The following TANC2 variants were observed in gnomAD, a reference collection of about 807,000 sequenced individuals.
TANC2 encodes protein TANC2.
Under a neutral mutation model 210.5 loss-of-function variants are expected in TANC2, and 26 were observed. The ratio of observed to expected loss-of-function variants is 0.12; its 90% CI spans 0.09 to 0.17. The LOEUF is 0.17. Among genes scored for constraint, TANC2 ranks in the 10% least tolerant of loss-of-function variants. TANC2 has a pLI of 1.00. For missense variants in TANC2, 2,129 were observed against 2,608.9 expected (o/e 0.82, Z 4.01); for synonymous variants, 931 against 967.1 (o/e 0.96, Z 0.69).
At chr17:63,303,721 T>C (rs2044799879) in intron 9 of TANC2, among the ~76,000 whole-genome samples, 1 of 152,106 alleles carries the variant, frequency 6.6e-6, no homozygotes, top group African/African-American at 2.4e-5. Context: ...CCTCCTTTCT[T>C]TCAGGTACTC....
At chr17:63,405,915 TCTTTTTTAC>T (rs896036456) in intron 20 of TANC2, among the ~76,000 whole-genome samples, 4 of 152,230 alleles carry the variant, frequency 2.6e-5, no homozygotes, top group African/African-American at 9.7e-5. Context: ...TTTGTTAAGT[TCTTTTTTAC>T]TTAGTAGCTG....
At chr17:63,343,228 T>C (rs2046296954) in intron 12 of TANC2, among the ~76,000 whole-genome samples, 1 of 152,244 alleles carries the variant, frequency 6.6e-6, no homozygotes, top group Non-Finnish European at 1.5e-5. Context: ...TTTTTAAATA[T>C]AAAGACACAG....
chr17:63,338,007 T>C (rs1208205277), intron 11 of TANC2, among the ~76,000 whole-genome samples: 1 of 152,264 alleles, frequency 6.6e-6, no homozygotes, highest in Non-Finnish European at 1.5e-5. Flanking sequence ...ATTGTTTTTA[T>C]GCAGTCTGCC....
intron 8 of TANC2, among the ~76,000 whole-genome samples, chr17:63,239,125 G>A (rs955466767): frequency 1.7e-4 from 26 of 150,118 alleles, no homozygotes; most frequent in Non-Finnish European, 3.5e-4. Flanking sequence ...ACCAGCCTGC[G>A]CAACATAGTG....
intron 7 of TANC2, among the ~76,000 whole-genome samples, chr17:63,206,136 A>G (rs2041703710): frequency 6.6e-6 from 1 of 152,204 alleles, no homozygotes; most frequent in Non-Finnish European, 1.5e-5. Context: ...ACGCAAACCA[A>G]AACCACAATA....
At chr17:63,337,100 A>G (rs2146763213) in intron 11 of TANC2, among the ~76,000 whole-genome samples, 1 of 152,358 alleles carries the variant, frequency 6.6e-6, no homozygotes, top group South Asian at 2.1e-4. Flanking sequence ...TTGTATGTGC[A>G]TATACCTACT....
intron 7 of TANC2, among the ~76,000 whole-genome samples, chr17:63,233,872 G>A (rs986500485): frequency 4.0e-4 from 61 of 152,232 alleles, no homozygotes; most frequent in African/African-American, 1.3e-3. Context: ...CAACTTGGTC[G>A]ACAAGAGTAT....
chr17:63,154,837 C>T (rs9972958), intron 5 of TANC2: 1 of 152,062 alleles, frequency 6.6e-6, no homozygotes, highest in African/African-American at 2.4e-5. Flanking sequence ...GAACATGTCA[C>T]TTAACTTTTC....
At chr17:63,186,730 G>A (rs1027011370) in intron 5 of TANC2, among the ~76,000 whole-genome samples, 1 of 152,196 alleles carries the variant, frequency 6.6e-6, no homozygotes, top group South Asian at 2.1e-4. Context: ...AGTCTTTATG[G>A]TGACATATTC....
In TANC2 at chr17:63,420,954, T is replaced by A; in HGVS notation, c.5224T>A (p.Leu1742Met). Residue 1742 changes from leucine to methionine, a missense_variant, in exon 28 of 28, where the codon TTG (leucine) becomes ATG (methionine). Physicochemically the swap from Leu to Met is conservative, Grantham distance 15. Around this residue, in one of 5 missense-constraint regions of TANC2, gnomAD observed 584 missense variants for 627.3 expected, o/e 0.93. Transcript: ENST00000689528. This position sits in a 1 kb window ranked among gnomAD's most constrained non-coding sequence, Gnocchi z 4.2. Reference sequence around the variant, plus strand: ...AGACATAGGAGTCAGCCAGAGCCGGTTGGTTTATCAAGGGTCAATTGGGGG... The same window carrying A: ...AGACATAGGAGTCAGCCAGAGCCGGATGGTTTATCAAGGGTCAATTGGGGG... The A allele has an allele frequency of 6.2e-7, 1 of 1,613,890 alleles. No homozygotes were observed. Among genetic ancestry groups the A allele is most frequent in the Non-Finnish European group, 8.5e-7 (1 of 1,179,864 alleles).
chr17:63,227,967 G>A (rs140630264), intron 7 of TANC2, among the ~76,000 whole-genome samples: 4,353 of 152,144 alleles, frequency 0.029, 62 homozygotes, highest in South Asian at 0.038. Flanking sequence ...GGATTCAAGC[G>A]ATGCTCCTGC....
At chr17:63,210,058 T>TATAG (rs1451615670) in intron 7 of TANC2, among the ~76,000 whole-genome samples, 3 of 152,240 alleles carry the variant, frequency 2.0e-5, no homozygotes, top group Non-Finnish European at 4.4e-5. Context: ...TTTGAATCTA[T>TATAG]ATCCATGAGT....
intron 4 of TANC2, chr17:63,125,237 G>C (rs374644427): frequency 6.6e-6 from 1 of 152,072 alleles, no homozygotes; most frequent in African/African-American, 2.4e-5. Flanking sequence ...ACTCCCTTAG[G>C]ATTTGTAAGA....
intron 1 of TANC2, among the ~76,000 whole-genome samples, chr17:62,999,300 G>A (rs2143689063): frequency 6.6e-6 from 1 of 152,338 alleles, no homozygotes; most frequent in East Asian, 1.9e-4. Context: ...CTCCCCAGAA[G>A]CAGGTGGTGG....
At chr17:63,219,394 T>A (rs2042108655) in intron 7 of TANC2, among the ~76,000 whole-genome samples, 1 of 151,656 alleles carries the variant, frequency 6.6e-6, no homozygotes, top group Non-Finnish European at 1.5e-5. Flanking sequence ...GGATGTTGCC[T>A]ACTGGCCCAC....
chr17:63,398,466 A>G (rs923525124), intron 18 of TANC2, among the ~76,000 whole-genome samples: 28 of 152,040 alleles, frequency 1.8e-4, no homozygotes, highest in African/African-American at 5.8e-4. Flanking sequence ...AAAAAAAAAA[A>G]AAAGAAAGAA....
intron 12 of TANC2, among the ~76,000 whole-genome samples, chr17:63,348,274 A>G (rs2046481139): frequency 1.3e-5 from 2 of 152,132 alleles, no homozygotes; most frequent in Non-Finnish European, 2.9e-5. Flanking sequence ...TGTAATTCTT[A>G]TTTCTCTCAG....
intron 8 of TANC2, among the ~76,000 whole-genome samples, chr17:63,245,842 CAA>C (rs60766720): frequency 2.1e-4 from 19 of 91,338 alleles, no homozygotes; most frequent in Admixed American, 1.2e-4. Context: ...GACTCCTTAT[CAA>C]AAAAAAAAAA....
chr17:63,126,636 T>C (rs1429325544), intron 4 of TANC2, among the ~76,000 whole-genome samples: 11 of 152,278 alleles, frequency 7.2e-5, no homozygotes, highest in African/African-American at 2.6e-4. Context: ...CTTGAATTCC[T>C]AGCCTCAGGT....
Sources: gnomAD v4.1 joint callset for allele counts (sites outside exome capture counted in the v4.1 genomes callset) on GRCh38, gnomAD v4.1.1 for gene constraint, gnomAD v4.1.1 regional missense constraint, Gnocchi (gnomAD v3.1) non-coding constraint, MANE v1.5 for transcripts, NCBI Gene and HGNC (gene_info 2026-07-23, HGNC 2026-07-21) for gene names.